PTPRT: variants seen among roughly 807,000 people sequenced by gnomAD.
PTPRT encodes protein tyrosine phosphatase receptor type T.
A neutral mutation model predicts 176.8 loss-of-function variants in PTPRT; 56 were observed. The observed-to-expected ratio is 0.32, with a 90% CI of 0.26 to 0.40. The LOEUF (loss-of-function observed/expected upper bound fraction) is 0.40, where lower values mean the gene tolerates loss of function less well. Ranked by LOEUF, PTPRT falls within the 10% of genes least tolerant of loss-of-function variation. PTPRT has a pLI of 1.00. For missense variants in PTPRT, 1,540 were observed against 1,908.2 expected (o/e 0.81, Z 3.60); for synonymous variants, 783 against 739.0 (o/e 1.06, Z -0.96).
At chr20:42,724,354 A>G (rs2076346583) in intron 6 of PTPRT, among the ~76,000 whole-genome samples, 1 of 152,204 alleles carries the variant, frequency 6.6e-6, no homozygotes, top group South Asian at 2.1e-4. Flanking sequence ...TATTCACTGC[A>G]TCTCTCAGCC....
intron 5 of PTPRT, among the ~76,000 whole-genome samples, chr20:42,768,399 G>C (rs2077015633): frequency 6.6e-6 from 1 of 152,146 alleles, no homozygotes; most frequent in Non-Finnish European, 1.5e-5. Context: ...TGTGCCCTCA[G>C]TAAGACTGTG....
intron 7 of PTPRT, among the ~76,000 whole-genome samples, chr20:42,548,906 G>A (rs929564408): frequency 1.3e-5 from 2 of 152,118 alleles, no homozygotes; most frequent in African/African-American, 2.4e-5. Context: ...TGAACACAAT[G>A]TACAGTCATT....
chr20:42,600,045 CA>C (rs1422932449), intron 7 of PTPRT, among the ~76,000 whole-genome samples: 1 of 152,202 alleles, frequency 6.6e-6, no homozygotes, highest in Non-Finnish European at 1.5e-5. Context: ...CTGCAGCCTT[CA>C]AAACCTAGCT....
At chr20:42,556,246 T>C (rs1334444609) in intron 7 of PTPRT, among the ~76,000 whole-genome samples, 3 of 152,182 alleles carry the variant, frequency 2.0e-5, no homozygotes, top group Non-Finnish European at 4.4e-5. Flanking sequence ...TTGAGGCACA[T>C]GGCCCTCTCC....
chr20:42,619,131 G>T (rs1337858397), intron 7 of PTPRT, among the ~76,000 whole-genome samples: 1 of 150,600 alleles, frequency 6.6e-6, no homozygotes, highest in East Asian at 1.9e-4. Flanking sequence ...TTTAGGGCAG[G>T]CCTGGTGGTG....
At chr20:42,703,789 A>T (rs1476062332) in intron 6 of PTPRT, among the ~76,000 whole-genome samples, 1 of 152,132 alleles carries the variant, frequency 6.6e-6, no homozygotes. Context: ...ACCAGATGCC[A>T]CCTCTACTTG....
intron 5 of PTPRT, 81 bp from the exon 6 acceptor site, chr20:42,756,717 C>T: frequency 8.1e-7 from 1 of 1,229,672 alleles, no homozygotes; most frequent in South Asian, 1.6e-5. Flanking sequence ...GATATCCACC[C>T]ATCCTCACAC....
intron 1 of PTPRT, among the ~76,000 whole-genome samples, chr20:42,945,153 C>A (rs369007591): frequency 6.0e-4 from 90 of 149,784 alleles, no homozygotes; most frequent in African/African-American, 2.0e-3. Flanking sequence ...TAATATGTAT[C>A]TTTACATTTA....
In PTPRT at chr20:42,103,977, C is replaced by T. The variant is rs1382123950; in HGVS notation, c.3540+592G>A. Among the ~76,000 whole-genome samples the T allele has an allele frequency of 3.3e-5, 5 of 152,300 alleles. No individual in the cohort carries two copies. In the East Asian group the frequency reaches 9.7e-4, roughly 29 times the overall value. ...CTGAAAGTGCATAGATCAGTTGTCC[C>T]AAAGAAAACCCCACAAATGTGCACA... On this transcript the variant is annotated intron_variant, in intron 25 of 30. Transcript: ENST00000373187.
chr20:42,054,864 T>G, the PTPRT span, among the ~76,000 whole-genome samples: 1 of 152,210 alleles, frequency 6.6e-6, no homozygotes, highest in East Asian at 1.9e-4. Flanking sequence ...ATAGACTGGC[T>G]GACAGCTGTC....
intron 7 of PTPRT, among the ~76,000 whole-genome samples, chr20:42,497,225 A>G (rs2071670812): frequency 1.3e-5 from 2 of 152,272 alleles, no homozygotes; most frequent in Non-Finnish European, 2.9e-5. Context: ...ACAGAATCAT[A>G]GATTTAGCAC....
At chr20:42,617,064 T>G (rs1395883499) in intron 7 of PTPRT, among the ~76,000 whole-genome samples, 5 of 137,178 alleles carry the variant, frequency 3.6e-5, no homozygotes, top group African/African-American at 1.3e-4. Context: ...AGTATGATAT[T>G]GGCTGTGGGT....
At chr20:42,594,334 C>A (rs1054375458) in intron 7 of PTPRT, among the ~76,000 whole-genome samples, 3 of 152,126 alleles carry the variant, frequency 2.0e-5, no homozygotes, top group Non-Finnish European at 4.4e-5. Flanking sequence ...AAAAAACCCT[C>A]TTTCTGTAAA....
intron 7 of PTPRT, among the ~76,000 whole-genome samples, chr20:42,546,999 A>G (rs997925867): frequency 3.3e-5 from 5 of 152,204 alleles, no homozygotes; most frequent in African/African-American, 1.2e-4. Context: ...ACATAAAGTT[A>G]GCACATGCTG....
chr20:42,605,216 G>A (rs1439165628), intron 7 of PTPRT, among the ~76,000 whole-genome samples: 2 of 152,184 alleles, frequency 1.3e-5, no homozygotes, highest in African/African-American at 2.4e-5. Flanking sequence ...GTCAGAGCTG[G>A]ACCCATGGCT....
At chr20:42,605,786 C>A (rs117574294) in intron 7 of PTPRT, among the ~76,000 whole-genome samples, 9,868 of 152,280 alleles carry the variant, frequency 0.065, 436 homozygotes, top group Middle Eastern at 0.12. Context: ...AGCCTCCTAC[C>A]TCAGTCCACC....
chr20:42,936,431 G>A (rs1293770439), intron 1 of PTPRT, among the ~76,000 whole-genome samples: 1 of 152,220 alleles, frequency 6.6e-6, no homozygotes, highest in African/African-American at 2.4e-5. Context: ...GAACAGAGGT[G>A]TCATGGGCAT....
chr20:42,102,195 C>T lies in PTPRT; in HGVS notation c.3643G>A (p.Asp1215Asn). 2 of 1,614,130 alleles carry T rather than the reference C, an allele frequency of 1.2e-6. No individual in the cohort carries two copies. The highest frequency in any genetic ancestry group is 1.7e-6 in the Non-Finnish European group (2 of 1,180,026). Reference protein sequence around the residue: ...KNRSMDVLPLDRCLPFLISVD... With the variant: ...KNRSMDVLPLNRCLPFLISVD... ...GAGATAAGGAAGGGCAGGCAGCGGT[C>T]CAGAGGCAGCACGTCCATACTTCGA... Residue 1215 changes from aspartate (D) to asparagine (N), a missense_variant, in exon 26 of 31, where the codon GAC (aspartate) becomes AAC (asparagine). By Grantham distance (23) the Asp-to-Asn change is conservative. Transcript: ENST00000373187.
chr20:43,094,509 C>T (rs916286496), intron 1 of PTPRT, among the ~76,000 whole-genome samples: 1 of 149,940 alleles, frequency 6.7e-6, no homozygotes, highest in Non-Finnish European at 1.5e-5. Flanking sequence ...AGTGATTCTC[C>T]TGCCTCAGCC....
Sources: allele counts gnomAD v4.1 joint callset (sites outside exome capture counted in the v4.1 genomes callset), GRCh38; gene constraint gnomAD v4.1.1; transcripts MANE v1.5; gene names NCBI Gene and HGNC (gene_info 2026-07-23, HGNC 2026-07-21).